Variants in SLC26A7 observed in about 807,000 individuals in gnomAD.
SLC26A7 encodes the protein solute carrier family 26 member 7, also known as anion exchange transporter.
Under a neutral mutation model 82.5 loss-of-function variants are expected in SLC26A7, and 59 were observed. The ratio of observed to expected loss-of-function variants is 0.72; its 90% CI spans 0.58 to 0.89. The LOEUF (loss-of-function observed/expected upper bound fraction) is 0.89, where lower values mean the gene tolerates loss of function less well. Among genes scored for constraint, SLC26A7 ranks in the 40% least tolerant of loss-of-function variants. The pLI, the probability that SLC26A7 is intolerant of heterozygous loss-of-function variation, is 0.00. For synonymous variants in SLC26A7, 271 were observed against 274.3 expected, an observed-to-expected ratio of 0.99 and a Z score of 0.12; for missense variants, 820 against 793.0, an observed-to-expected ratio of 1.03 and a Z score of -0.41.
chr8:91,340,371 T>A, intron 7 of SLC26A7, 33 bp from the exon 8 acceptor site: 1 of 1,601,688 alleles, frequency 6.2e-7, no homozygotes, highest in Non-Finnish European at 8.5e-7. Context: ...TACATGAAGT[T>A]TGATGACTTC....
chr8:91,357,161 C>G (rs1382049406), intron 11 of SLC26A7: 1 of 152,102 alleles, frequency 6.6e-6, no homozygotes, highest in African/African-American at 2.4e-5. Context: ...CATGTTTGAC[C>G]TTAGAACTTA....
At chr8:91,276,149 G>A (rs1343303541) in intron 2 of SLC26A7, among the ~76,000 whole-genome samples, 1 of 151,952 alleles carries the variant, frequency 6.6e-6, no homozygotes, top group Admixed American at 6.6e-5. Flanking sequence ...TCACTTTATG[G>A]CCAAGGGATT....
At chr8:91,223,971 T>C (rs1810199377) in intron 2 of SLC26A7, among the ~76,000 whole-genome samples, 2 of 151,912 alleles carry the variant, frequency 1.3e-5, no homozygotes, top group African/African-American at 4.8e-5. Flanking sequence ...TTGATTTGGC[T>C]GTTGATACTT....
chr8:91,272,853 T>A (rs1441966345), intron 2 of SLC26A7, among the ~76,000 whole-genome samples: 1 of 152,178 alleles, frequency 6.6e-6, no homozygotes, highest in African/African-American at 2.4e-5. Flanking sequence ...CATTACATGC[T>A]TGGAAGAGGC....
chr8:91,351,926 A>G, intron 10 of SLC26A7, 39 bp downstream of exon 10: 2 of 1,407,418 alleles, frequency 1.4e-6, no homozygotes, highest in African/African-American at 1.4e-5. Flanking sequence ...TTTTAATTTA[A>G]CTTTTCATGA....
chr8:91,349,990 A>G (rs911873672), intron 9 of SLC26A7, among the ~76,000 whole-genome samples: 2 of 152,152 alleles, frequency 1.3e-5, no homozygotes, highest in African/African-American at 2.4e-5. Context: ...AAAATCACCA[A>G]TTGCTCCTAA....
intron 2 of SLC26A7, among the ~76,000 whole-genome samples, chr8:91,273,194 G>A (rs1043717375): frequency 1.4e-4 from 22 of 152,050 alleles, no homozygotes; most frequent in Non-Finnish European, 1.2e-4. Flanking sequence ...TTATGGAGGG[G>A]TTGGTGGTGA....
At chr8:91,354,493 A>G (rs572099028) in intron 11 of SLC26A7, among the ~76,000 whole-genome samples, 30 of 152,276 alleles carry the variant, frequency 2.0e-4, no homozygotes, top group African/African-American at 7.0e-4. Flanking sequence ...AGGCAACTCA[A>G]GTTTTACAAA....
intron 16 of SLC26A7, 26 bp from the exon 17 acceptor site, chr8:91,393,771 T>C (rs771768340): frequency 1.2e-6 from 2 of 1,609,616 alleles, no homozygotes; most frequent in Non-Finnish European, 1.7e-6. Context: ...GAATTAATTG[T>C]GGGTATCCTA....
rs889081054 is a variant in SLC26A7 at position 91,372,360 on chromosome 8, T to A, written c.1675+2527T>A. Among the ~76,000 whole-genome samples, 7 of 152,060 alleles carry A rather than the reference T, an allele frequency of 4.6e-5. No individual in the cohort carries two copies. The East Asian group carries it at 1.2e-3, about 25-fold the overall frequency. On this transcript the variant is annotated intron_variant, in intron 15 of 18. Coordinates refer to ENST00000276609, the MANE Select transcript of SLC26A7 (RefSeq NM_052832.4). ...AGGTTTTCTTCTAGAATTTTTATAG[T>A]TTCACGTCTTATATTTAAGTCGTTA...
intron 15 of SLC26A7, among the ~76,000 whole-genome samples, chr8:91,375,380 T>A (rs533874419): frequency 2.6e-4 from 40 of 152,288 alleles, no homozygotes; most frequent in African/African-American, 8.7e-4. Context: ...TATTGTCCTT[T>A]CATTTTCATG....
At chr8:91,348,192 CTCCTTTAAAACCT>C (rs1813618634) in intron 9 of SLC26A7, 7 of 363,194 alleles carry the variant, frequency 1.9e-5, no homozygotes, top group Non-Finnish European at 2.7e-5. Context: ...TTGCTTTCAT[CTCCTTTAAAACCT>C]TCTTAATCTA....
At chr8:91,272,025 T>G (rs945586191) in intron 2 of SLC26A7, among the ~76,000 whole-genome samples, 1 of 152,116 alleles carries the variant, frequency 6.6e-6, no homozygotes, top group East Asian at 1.9e-4. Flanking sequence ...GCTTTTGTGC[T>G]TAGTACTTCC....
chr8:91,378,103 G>T (rs973840998), intron 15 of SLC26A7, among the ~76,000 whole-genome samples: 11 of 151,672 alleles, frequency 7.3e-5, no homozygotes, highest in African/African-American at 2.4e-5. Flanking sequence ...CAAAGAATTT[G>T]GTATTTGTTA....
At chr8:91,382,241 T>C (rs1814688821) in intron 15 of SLC26A7, among the ~76,000 whole-genome samples, 3 of 152,162 alleles carry the variant, frequency 2.0e-5, no homozygotes, top group Non-Finnish European at 4.4e-5. Flanking sequence ...CTTAATAAAT[T>C]ATAATGGTTT....
chr8:91,217,067 A>G (rs1014061482), intron 1 of SLC26A7, among the ~76,000 whole-genome samples: 3 of 152,070 alleles, frequency 2.0e-5, no homozygotes, highest in African/African-American at 7.2e-5. Flanking sequence ...CTGCACTCAT[A>G]TAGAACCTAT....
chr8:91,343,399 TCTGCATACCAAGTG>T lies in SLC26A7; in HGVS notation c.1078_1091del (p.Ile360CysfsTer71). Reference sequence around the variant, plus strand: ...AGCAATATAGTTTCTTCATTTTTCTTCTGCATACCAAGTGCTGCTGCCATGGGAAGGACGGCTGG... The same window carrying T: ...AGCAATATAGTTTCTTCATTTTTCTTCTGCTGCCATGGGAAGGACGGCTGG... On this transcript the variant is annotated frameshift_variant, in exon 9 of 19. Coordinates refer to ENST00000276609, the MANE Select transcript of SLC26A7 (RefSeq NM_052832.4). LOFTEE classifies it high-confidence loss of function. The T allele has an allele frequency of 6.2e-7, 1 of 1,613,040 alleles. No homozygotes were observed. The highest frequency in any genetic ancestry group is 1.1e-5 in the South Asian group (1 of 90,998).
intron 4 of SLC26A7, among the ~76,000 whole-genome samples, chr8:91,317,893 C>T (rs1008061541): frequency 6.8e-6 from 1 of 147,938 alleles, no homozygotes; most frequent in African/African-American, 2.5e-5. Flanking sequence ...AACTGAGATA[C>T]TCACATTGTA....
At chr8:91,267,793 A>G (rs904772115) in intron 2 of SLC26A7, among the ~76,000 whole-genome samples, 25 of 151,592 alleles carry the variant, frequency 1.6e-4, no homozygotes, top group African/African-American at 6.0e-4. Flanking sequence ...CCTTTTACTA[A>G]TTAGTGGGTT....
Sources: gnomAD v4.1 joint callset for allele counts (sites outside exome capture counted in the v4.1 genomes callset) on GRCh38, gnomAD v4.1.1 for gene constraint, MANE v1.5 for transcripts, NCBI Gene and HGNC (gene_info 2026-07-23, HGNC 2026-07-21) for gene names.